LXN: variants seen among roughly 807,000 people sequenced by gnomAD.
LXN encodes the protein latexin, also known as MUM.
In LXN, 28 loss-of-function variants were observed where a neutral mutation model predicts 29.8. That is an observed-to-expected ratio of 0.94 (90% confidence interval 0.70 to 1.29). LXN has a LOEUF of 1.29. LXN is among the 50% of genes most tolerant of loss of function. The probability of loss-of-function intolerance (pLI) is 0.00; values close to 1 mark genes in which losing one functional copy is unlikely to be tolerated. For synonymous variants in LXN, 77 were observed against 89.6 expected, an observed-to-expected ratio of 0.86 and a Z score of 0.80; for missense variants, 227 against 261.7, an observed-to-expected ratio of 0.87 and a Z score of 0.92.
At chr3:158,667,137 A>AT in intron 4 of LXN, 63 bp from the exon 5 acceptor site, 1 of 1,434,276 alleles carries the variant, frequency 7.0e-7, no homozygotes, top group Non-Finnish European at 9.3e-7. Context: ...ATTACATTTA[A>AT]TTTTGAAAAT....
chr3:158,672,591 C>G lies in LXN; in HGVS notation c.-113G>C. On this transcript the variant is annotated 5_prime_UTR_variant, in exon 1 of 6. Transcript: ENST00000264265. ...TCCGGTTGCCGAGGCGGAAAAGTCG[C>G]AAGCTCCTTCAGTCAGTCTTCTTCC... The G allele has an allele frequency of 7.6e-7, 1 of 1,310,360 alleles. No individual in the cohort carries two copies. Among genetic ancestry groups the G allele is most frequent in the South Asian group, 1.3e-5 (1 of 76,854 alleles). The allele number at this position is 1,310,360 out of a possible 1,614,324, so 81.2% of individuals were successfully genotyped here.
Position 158,669,447 on chromosome 3 carries a change from G to A in LXN, c.356C>T (p.Ala119Val), listed in dbSNP as rs746001557. The change falls in exon 3 of 6, where the codon GCA (alanine) becomes GTA (valine). Residue 119 changes from alanine to valine, a missense_variant. By Grantham distance (64) the Ala-to-Val change is moderately conservative. Coordinates refer to ENST00000264265, the MANE Select transcript of LXN (RefSeq NM_020169.4). ...TATTTATATACCTGGAATATTTTGTGCTTCTAGCGGTTCCTTCATGGACTT... is the reference window on the plus strand; with the variant it reads ...TATTTATATACCTGGAATATTTTGTACTTCTAGCGGTTCCTTCATGGACTT... ...RLKSMKEPLE[A>V]QNIPDNFGNV... The A allele has an allele frequency of 6.2e-7, 1 of 1,611,006 alleles. No homozygotes were observed. Among genetic ancestry groups the A allele is most frequent in the South Asian group, 1.1e-5 (1 of 90,536 alleles).
chr3:158,671,030 GA>G lies in LXN; in HGVS notation c.130-12del. The stretch of plus-strand genomic sequence containing the variant: ...TCTTCCTGGAATATCCTAAAATTAA[GA>G]AAATGTAGTGGAGACAAGAAAATAT... On this transcript the variant is annotated splice_polypyrimidine_tract_variant and intron_variant, in intron 1 of 5. Transcript: ENST00000264265. 1 of 1,517,370 alleles carries G rather than the reference GA, an allele frequency of 6.6e-7. No individual in the cohort carries two copies. The highest frequency in any genetic ancestry group is 2.4e-5 in the Admixed American group (1 of 42,420). The allele number at this position is 1,517,370 out of a possible 1,614,324, so 94.0% of individuals were successfully genotyped here.
At position 158,672,488 on chromosome 3, in the gene LXN, GCAGTGACTT is replaced by G; in HGVS notation, c.-19_-11del. The G allele has an allele frequency of 6.2e-7, 1 of 1,613,744 alleles. No individual in the cohort carries two copies. Among genetic ancestry groups the G allele is most frequent in the Non-Finnish European group, 8.5e-7 (1 of 1,179,746 alleles). On this transcript the variant is annotated 5_prime_UTR_variant, in exon 1 of 6. Coordinates refer to ENST00000264265, the MANE Select transcript of LXN (RefSeq NM_020169.4). ...TCGGCGGGATTTCCATTCCGGATGA[GCAGTGACTT>G]CAGGGCTTGGGCTACTCTGGCTTAA...
rs778372959 is a variant in LXN at position 158,666,683 on chromosome 3, T to C, written c.632A>G (p.His211Arg). The change falls in exon 6 of 6, where the codon CAT becomes CGT. Residue 211 changes from histidine (H) to arginine (R), a missense_variant. By Grantham distance (29) the His-to-Arg change is conservative. Transcript: ENST00000264265. ...WHPQYGTKVK[H>R]NSRLPKEVQL... Reference sequence around the variant, plus strand: ...TACTTCCTTTGGCAGACGGCTATTATGTTTTACTTTAGTGCCGTATTGTGG... The same window carrying C: ...TACTTCCTTTGGCAGACGGCTATTACGTTTTACTTTAGTGCCGTATTGTGG... The C allele has an allele frequency of 5.6e-6, 9 of 1,613,950 alleles. No individual in the cohort carries two copies. The South Asian group carries it at 9.9e-5, about 18-fold the overall frequency.
intron 4 of LXN, 47 bp from the exon 5 acceptor site, chr3:158,667,121 G>A: frequency 6.7e-7 from 1 of 1,491,972 alleles, no homozygotes; most frequent in South Asian, 1.3e-5. Flanking sequence ...AATATCTTTG[G>A]CAAAAATTAC....
chr3:158,669,532 A>T lies in LXN; in HGVS notation c.271T>A (p.Phe91Ile). 1 of 1,613,926 alleles carries T rather than the reference A, an allele frequency of 6.2e-7. No homozygotes were observed. The highest frequency in any genetic ancestry group is 8.5e-7 in the Non-Finnish European group (1 of 1,179,866). Residue 91 changes from phenylalanine to isoleucine, a missense_variant, in exon 3 of 6, where the codon TTT becomes ATT. Transcript: ENST00000264265. ...GGATTCTTTCCAGTTTCTCCTTCAA[A>T]TGTGAAGTTGACTTCTGGTGCAGTT... is the stretch of plus-strand genomic sequence containing the variant. Reference protein sequence around the residue: ...QETAPEVNFTFEGETGKNPDE... With the variant: ...QETAPEVNFTIEGETGKNPDE...
intron 4 of LXN, among the ~76,000 whole-genome samples, chr3:158,667,466 T>A (rs1723820274): frequency 6.6e-6 from 1 of 152,178 alleles, no homozygotes; most frequent in Non-Finnish European, 1.5e-5. Flanking sequence ...AGAATCCAAT[T>A]TTATAACAGA....
At chr3:158,668,786 C>T (rs1242520367) in intron 4 of LXN, among the ~76,000 whole-genome samples, 3 of 152,202 alleles carry the variant, frequency 2.0e-5, no homozygotes. Flanking sequence ...CCAAATCAAA[C>T]AACTTTTTAG....
At chr3:158,669,727 C>G (rs1416730837) in intron 2 of LXN, 117 bp from the exon 3 acceptor site, 1 of 969,524 alleles carries the variant, frequency 1.0e-6, no homozygotes, top group Non-Finnish European at 1.5e-6. Flanking sequence ...GACTAGACTT[C>G]AAAGTGCTTG....
At position 158,669,178 on chromosome 3, in the gene LXN, C is replaced by A. The variant is rs773894222; in HGVS notation, c.371-46G>T. 38 of 1,510,730 alleles carry A rather than the reference C, an allele frequency of 2.5e-5. No individual in the cohort carries two copies. The South Asian group carries it at 4.7e-4, about 19-fold the overall frequency. The allele number at this position is 1,510,730 out of a possible 1,614,324, so 93.6% of individuals were successfully genotyped here. A position where few individuals can be genotyped will look rare whatever the true frequency, so the allele number is the denominator to read the frequency against. ...ATGATAATCATATATATAGTATTAA[C>A]CTTTTAAAACAAAATCTAAATTCTA... On this transcript the variant is annotated intron_variant, in intron 3 of 5. Coordinates refer to ENST00000264265, the MANE Select transcript of LXN (RefSeq NM_020169.4).
intron 3 of LXN, 87 bp downstream of exon 3, chr3:158,669,342 ATACT>A (rs1724038124): frequency 2.2e-6 from 3 of 1,338,162 alleles, no homozygotes. Context: ...AGTTTCTAAC[ATACT>A]TAGCAACTAA....
At chr3:158,670,388 G>T (rs1724162109) in intron 2 of LXN, among the ~76,000 whole-genome samples, 1 of 152,232 alleles carries the variant, frequency 6.6e-6, no homozygotes, top group African/African-American at 2.4e-5. Flanking sequence ...GAAGATGATT[G>T]ATTGGGGAAT....
At chr3:158,669,792 AAT>A (rs1475910715) in intron 2 of LXN, among the ~76,000 whole-genome samples, 182 bp from the exon 3 acceptor site, 6 of 152,190 alleles carry the variant, frequency 3.9e-5, no homozygotes, top group Admixed American at 3.9e-4. Flanking sequence ...TTATCATGTG[AAT>A]ACCCTAAAAT....
Position 158,669,436 on chromosome 3 carries a change from G to A in LXN, c.367C>T (p.Pro123Ser), listed in dbSNP as rs1171700475. 5.6e-6 allele frequency: 9 copies of A among 1,608,396 alleles called. No homozygotes were observed. The highest frequency in any genetic ancestry group is 7.6e-6 in the Non-Finnish European group (9 of 1,177,340). Residue 123 changes from proline to serine, a missense_variant, in exon 3 of 6, where the codon CCA becomes TCA. Coordinates refer to ENST00000264265, the MANE Select transcript of LXN (RefSeq NM_020169.4). ...TTTTCATGCCATATTTATATACCTG[G>A]AATATTTTGTGCTTCTAGCGGTTCC... The part of the protein sequence containing the change: ...MKEPLEAQNI[P>S]DNFGNVSPEM...
In LXN at chr3:158,667,104, A is replaced by C. The variant is rs1441733177; in HGVS notation, c.508-30T>G. The C allele has an allele frequency of 1.9e-6, 3 of 1,548,636 alleles. No homozygotes were observed. The Admixed American group carries it at 6.4e-5, about 33-fold the overall frequency. On this transcript the variant is annotated intron_variant, in intron 4 of 5. Transcript: ENST00000264265. ...GACAAAAAATAAAAACGTGTTGTTT[A>C]AAACTTAATATCTTTGGCAAAAATT...
At chr3:158,668,965 A>G (rs1180751586) in intron 4 of LXN, 31 bp downstream of exon 4, 3 of 1,543,616 alleles carry the variant, frequency 1.9e-6, no homozygotes, top group South Asian at 2.3e-5. Context: ...TATTAACCCC[A>G]TTAATAGTGT....
intron 1 of LXN, 68 bp from the exon 2 acceptor site, chr3:158,671,087 G>T (rs926592825): frequency 3.6e-6 from 5 of 1,379,266 alleles, no homozygotes; most frequent in Admixed American, 5.9e-5. Context: ...ATTGTTAGAA[G>T]TATGCATCTC....
At chr3:158,671,837 T>G (rs1268174808) in intron 1 of LXN, among the ~76,000 whole-genome samples, 1 of 152,252 alleles carries the variant, frequency 6.6e-6, no homozygotes, top group African/African-American at 2.4e-5. Context: ...AAGGCCAGCG[T>G]CAGCCCACAG....
Sources: allele counts gnomAD v4.1 joint callset (sites outside exome capture counted in the v4.1 genomes callset), GRCh38; gene constraint gnomAD v4.1.1; transcripts MANE v1.5; gene names NCBI Gene and HGNC (gene_info 2026-07-23, HGNC 2026-07-21).